The following SDHC variants were observed in gnomAD, a reference collection of about 807,000 sequenced individuals.
SDHC encodes the protein succinate dehydrogenase complex subunit C.
Under a neutral mutation model 22.6 loss-of-function variants are expected in SDHC, and 11 were observed. That is an observed-to-expected ratio of 0.49 (90% CI 0.31 to 0.81). The LOEUF is 0.81. Ranked by LOEUF, SDHC falls within the 30% of genes least tolerant of loss-of-function variation. The pLI is 0.05. For synonymous variants in SDHC, 80 were observed against 77.8 expected (o/e 1.03, Z -0.15); for missense variants, 160 against 212.0 (o/e 0.75, Z 1.52).
intron 4 of SDHC, among the ~76,000 whole-genome samples, chr1:161,353,528 C>T (rs1257481472): frequency 6.6e-6 from 1 of 152,174 alleles, no homozygotes; most frequent in Non-Finnish European, 1.5e-5. Flanking sequence ...CCCAAATGTT[C>T]ATCAAACTGT....
chr1:161,337,683 G>T (rs1273620116), intron 3 of SDHC, among the ~76,000 whole-genome samples: 1 of 152,120 alleles, frequency 6.6e-6, no homozygotes, highest in Non-Finnish European at 1.5e-5. Context: ...GAAAAATAGG[G>T]TAACATTTGA....
chr1:161,335,761 A>G (rs1671457723), intron 3 of SDHC, among the ~76,000 whole-genome samples: 4 of 152,142 alleles, frequency 2.6e-5, no homozygotes, highest in African/African-American at 9.7e-5. Context: ...TATGTATGCA[A>G]TCTCTGTCAC....
In SDHC at chr1:161,341,741, A is replaced by G. The variant is rs74127643; in HGVS notation, c.241+1086A>G. Among the ~76,000 whole-genome samples, 484 of 152,316 alleles carry G rather than the reference A, an allele frequency of 3.2e-3. 5 individuals are homozygous for G. Among genetic ancestry groups the G allele is most frequent in the African/African-American group, 0.011 (464 of 41,584 alleles). ...CCTACCCCCACCAAAAACAGAAACA[A>G]AAACTAGATTATGTTCCCTGGATAC... On this transcript the variant is annotated intron_variant, in intron 4 of 5. Coordinates refer to ENST00000367975, the MANE Select transcript of SDHC (RefSeq NM_003001.5).
Position 161,339,493 on chromosome 1 carries a change from G to C in SDHC, c.180-1101G>C, listed in dbSNP as rs1671627957. 13 of 828,594 alleles carry C rather than the reference G, an allele frequency of 1.6e-5. No homozygotes were observed. The South Asian group carries it at 2.0e-4, about 12-fold the overall frequency. 51.3% of individuals were successfully genotyped at this position (828,594 alleles called of 1,614,324 possible). On this transcript the variant is annotated intron_variant, in intron 3 of 5. Transcript: ENST00000367975. ...CCACCATGCCAGCTCCAACTTTAATGAGTGTCTTTGACCCATGTTTCTCCT... is the reference window on the plus strand; with the variant it reads ...CCACCATGCCAGCTCCAACTTTAATCAGTGTCTTTGACCCATGTTTCTCCT...
At chr1:161,316,249 C>T (rs889972626) in intron 1 of SDHC, among the ~76,000 whole-genome samples, 13 of 152,162 alleles carry the variant, frequency 8.5e-5, no homozygotes, top group Admixed American at 3.9e-4. Context: ...GTCTGGGGGA[C>T]GGTCAGGTCT....
chr1:161,332,028 G>A (rs36059328), intron 3 of SDHC, among the ~76,000 whole-genome samples: 14,862 of 152,056 alleles, frequency 0.098, 1,045 homozygotes, highest in Non-Finnish European at 0.14. Flanking sequence ...AGGCTGGAGT[G>A]TAGTAGTGGT....
chr1:161,333,214 A>G (rs1372105108), intron 3 of SDHC, among the ~76,000 whole-genome samples: 2 of 152,136 alleles, frequency 1.3e-5, no homozygotes, highest in Non-Finnish European at 2.9e-5. Context: ...GTATGTACAT[A>G]CAGTGTTTTA....
chr1:161,322,181 A>G (rs907486486), intron 1 of SDHC, among the ~76,000 whole-genome samples: 3 of 152,192 alleles, frequency 2.0e-5, no homozygotes, highest in Non-Finnish European at 4.4e-5. Flanking sequence ...CACTTAAAAC[A>G]TTTTGGGTTA....
intron 1 of SDHC, 31 bp downstream of exon 1, chr1:161,314,456 T>C (rs755355085): frequency 1.9e-5 from 30 of 1,612,892 alleles, no homozygotes; most frequent in Non-Finnish European, 2.5e-5. Flanking sequence ...AGTTGGTGCC[T>C]GCGGCCCTCC....
intron 3 of SDHC, among the ~76,000 whole-genome samples, chr1:161,331,891 G>C (rs1671290391): frequency 6.6e-6 from 1 of 152,158 alleles, no homozygotes; most frequent in Admixed American, 6.6e-5. Flanking sequence ...CACCGCGCCT[G>C]GCAACAGTGA....
intron 5 of SDHC, among the ~76,000 whole-genome samples, chr1:161,358,370 A>G (rs1672364596): frequency 6.6e-6 from 1 of 151,854 alleles, no homozygotes; most frequent in African/African-American, 2.4e-5. Flanking sequence ...TGGCTTCCCA[A>G]AGTGCTGGGA....
At chr1:161,329,967 A>G (rs1256892058) in intron 3 of SDHC, among the ~76,000 whole-genome samples, 2 of 152,170 alleles carry the variant, frequency 1.3e-5, no homozygotes, top group Non-Finnish European at 2.9e-5. Flanking sequence ...GACCTCCCCA[A>G]ATATTTCAGG....
intron 5 of SDHC, among the ~76,000 whole-genome samples, chr1:161,361,489 TA>T (rs1672507829): frequency 6.6e-6 from 1 of 152,070 alleles, no homozygotes; most frequent in East Asian, 1.9e-4. Context: ...AGATTGACTG[TA>T]TCTAGGAAAT....
At chr1:161,334,297 A>C in intron 3 of SDHC, among the ~76,000 whole-genome samples, 1 of 149,776 alleles carries the variant, frequency 6.7e-6, no homozygotes, top group Non-Finnish European at 1.5e-5. Flanking sequence ...TTCTTCTTTG[A>C]CTCCTTTCTT....
chr1:161,358,291 T>A (rs914896665), intron 5 of SDHC, among the ~76,000 whole-genome samples: 1 of 143,206 alleles, frequency 7.0e-6, no homozygotes, highest in Non-Finnish European at 1.5e-5. Flanking sequence ...ACCCAGCAAA[T>A]TTTTTTTTTT....
Position 161,330,470 on chromosome 1 carries a change from A to G in SDHC, c.179+1973A>G, listed in dbSNP as rs527669488. 6.6e-5 allele frequency among the ~76,000 whole-genome samples: 10 copies of G among 152,336 alleles called. No homozygotes were observed. In the East Asian group the frequency reaches 1.2e-3, roughly 18 times the overall value. On this transcript the variant is annotated intron_variant, in intron 3 of 5. Transcript: ENST00000367975. ...TTTGAAATTCAGCCAGGCAAACACC[A>G]TTTGATTTCAAGGCCTGAGAATAAT...
At chr1:161,326,545 CTCTCT>C (rs1671058650) in intron 2 of SDHC, 1 of 100,148 alleles carries the variant, frequency 1.0e-5, no homozygotes, top group Non-Finnish European at 1.9e-5. Flanking sequence ...CTCTCTTTCT[CTCTCT>C]TTTTTTTTTT....
rs182629842 is a variant in SDHC, at chr1:161,362,511, G to T, written c.*78G>T. ...TTTCTGTTTGTCATTCTTATCTCCA[G>T]CCTGGGAAAAGTTCTCCTTATTTGT... On this transcript the variant is annotated 3_prime_UTR_variant, in exon 6 of 6. Coordinates refer to ENST00000367975, the MANE Select transcript of SDHC (RefSeq NM_003001.5). 1.6e-5 allele frequency: 26 copies of T among 1,610,126 alleles called. No individual in the cohort carries two copies. Among genetic ancestry groups the T allele is most frequent in the East Asian group, 2.2e-5 (1 of 44,868 alleles).
At chr1:161,333,886 T>C (rs943637273) in intron 3 of SDHC, among the ~76,000 whole-genome samples, 2 of 152,194 alleles carry the variant, frequency 1.3e-5, no homozygotes, top group Non-Finnish European at 2.9e-5. Context: ...TAAAAATTCT[T>C]TTAGTCCCTT....
Sources: allele counts gnomAD v4.1 joint callset (sites outside exome capture counted in the v4.1 genomes callset), GRCh38; gene constraint gnomAD v4.1.1; transcripts MANE v1.5; gene names NCBI Gene and HGNC (gene_info 2026-07-23, HGNC 2026-07-21).